DPF3: variants seen among roughly 807,000 people sequenced by gnomAD.
DPF3 encodes zinc finger protein DPF3.
In DPF3, 18 loss-of-function variants were observed where a neutral mutation model predicts 56.8. The ratio of observed to expected loss-of-function variants is 0.32; its 90% CI spans 0.22 to 0.47. The LOEUF (loss-of-function observed/expected upper bound fraction) is 0.47, where lower values mean the gene tolerates loss of function less well. Among genes scored for constraint, DPF3 ranks in the 20% least tolerant of loss-of-function variants. DPF3 has a pLI of 1.00. For missense variants in DPF3, 403 were observed against 488.8 expected (o/e 0.82, Z 1.65); for synonymous variants, 188 against 180.2 (o/e 1.04, Z -0.35).
intron 7 of DPF3, among the ~76,000 whole-genome samples, chr14:72,676,705 G>A (rs774774703): frequency 2.0e-5 from 3 of 152,188 alleles, no homozygotes; most frequent in Non-Finnish European, 2.9e-5. Context: ...TCTCTTGCCT[G>A]CTGCCATGTA....
chr14:72,674,674 GT>G (rs1436823223), intron 7 of DPF3, among the ~76,000 whole-genome samples: 1 of 152,218 alleles, frequency 6.6e-6, no homozygotes, highest in African/African-American at 2.4e-5. Context: ...TACTGGTCAA[GT>G]GAACTACTCT....
At chr14:72,649,526 G>T (rs1416001147) in intron 8 of DPF3, among the ~76,000 whole-genome samples, 3 of 152,116 alleles carry the variant, frequency 2.0e-5, no homozygotes, top group South Asian at 4.1e-4. Context: ...AGAAGAAGGG[G>T]GCTGGAAGGA....
intron 6 of DPF3, among the ~76,000 whole-genome samples, chr14:72,704,443 T>C (rs1888320484): frequency 6.6e-6 from 1 of 152,154 alleles, no homozygotes; most frequent in Non-Finnish European, 1.5e-5. Context: ...TCTGTACACC[T>C]CCCATGCCAG....
chr14:72,856,963 G>T (rs1468439776), intron 1 of DPF3, among the ~76,000 whole-genome samples: 1 of 152,204 alleles, frequency 6.6e-6, no homozygotes, highest in African/African-American at 2.4e-5. Flanking sequence ...AAGAGCTGGA[G>T]TGATTTGTTT....
At position 72,616,413 on chromosome 14, in the gene DPF3, T is replaced by C. The variant is rs1884094111; in HGVS notation, c.*2884A>G. On this transcript the variant is annotated 3_prime_UTR_variant, in exon 11 of 11. Transcript: ENST00000556509. ...TCCACCCCACAGCCCATGCAAGTCATGATTTCCTTGGTCGCAGCCCAGCCC... is the reference window on the plus strand; with the variant it reads ...TCCACCCCACAGCCCATGCAAGTCACGATTTCCTTGGTCGCAGCCCAGCCC... 6.6e-6 allele frequency among the ~76,000 whole-genome samples: 1 copy of C among 152,170 alleles called. No individual in the cohort carries two copies. Among genetic ancestry groups the C allele is most frequent in the African/African-American group, 2.4e-5 (1 of 41,432 alleles).
At chr14:72,844,153 A>G (rs1258326663) in intron 1 of DPF3, among the ~76,000 whole-genome samples, 1 of 152,264 alleles carries the variant, frequency 6.6e-6, no homozygotes, top group Non-Finnish European at 1.5e-5. Flanking sequence ...GGGTACACAC[A>G]TAACAGGTTC....
At chr14:72,733,515 A>G (rs1185142062) in intron 3 of DPF3, among the ~76,000 whole-genome samples, 1 of 152,160 alleles carries the variant, frequency 6.6e-6, no homozygotes, top group Non-Finnish European at 1.5e-5. Context: ...GCAGAGCCCC[A>G]GGACAGGAGC....
rs1317528497 is a variant in DPF3, at chr14:72,614,119, G to T, written c.*5178C>A. Among the ~76,000 whole-genome samples the T allele has an allele frequency of 2.0e-5, 3 of 152,200 alleles. No individual in the cohort carries two copies. The highest frequency in any genetic ancestry group is 7.2e-5 in the African/African-American group (3 of 41,444). On this transcript the variant is annotated 3_prime_UTR_variant, in exon 11 of 11. Coordinates refer to ENST00000556509, the MANE Select transcript of DPF3 (RefSeq NM_001280542.3). ...CTGTCCCATTGTTTCCACACTCAGG[G>T]CTGGTGGCCGTGGCCTCTGGCAGAG...
chr14:72,877,311 G>A (rs916760261), intron 1 of DPF3, among the ~76,000 whole-genome samples: 15 of 152,192 alleles, frequency 9.9e-5, no homozygotes. Context: ...TTTGGAGAGA[G>A]GTGGAGATGC....
chr14:72,874,037 T>A (rs1168970438), intron 1 of DPF3, among the ~76,000 whole-genome samples: 1 of 149,414 alleles, frequency 6.7e-6, no homozygotes, highest in Non-Finnish European at 1.5e-5. Context: ...CAAACCTGCA[T>A]GTTGTGCACA....
chr14:72,812,086 G>A (rs1183715409), intron 1 of DPF3, among the ~76,000 whole-genome samples: 1 of 152,116 alleles, frequency 6.6e-6, no homozygotes, highest in Non-Finnish European at 1.5e-5. Context: ...AGCTCCAGGA[G>A]GCAAGGAGGG....
chr14:72,730,083 AT>A (rs977961109), intron 4 of DPF3, among the ~76,000 whole-genome samples: 4 of 151,518 alleles, frequency 2.6e-5, no homozygotes, highest in Admixed American at 6.6e-5. Flanking sequence ...GTTAAAAAAT[AT>A]TTTTTTTTAA....
chr14:72,737,381 G>C lies in DPF3; in HGVS notation c.302-5447C>G, dbSNP rs574505609. ...GCACTGAAAGCAAAGCTTCCACTGG[G>C]TTGTTGGAGCCACCGAGCTCATTAA... is the stretch of plus-strand genomic sequence containing the variant. On this transcript the variant is annotated intron_variant, in intron 3 of 10. Coordinates refer to ENST00000556509, the MANE Select transcript of DPF3 (RefSeq NM_001280542.3). Among the ~76,000 whole-genome samples, 4 of 152,142 alleles carry C rather than the reference G, an allele frequency of 2.6e-5. No homozygotes were observed. In the South Asian group the frequency reaches 8.3e-4, roughly 32 times the overall value.
intron 1 of DPF3, among the ~76,000 whole-genome samples, chr14:72,825,536 A>G (rs941284220): frequency 9.2e-5 from 14 of 152,246 alleles, no homozygotes; most frequent in Non-Finnish European, 1.3e-4. Flanking sequence ...CAGTTCTAGA[A>G]CATAGAAAAT....
intron 7 of DPF3, among the ~76,000 whole-genome samples, chr14:72,682,471 A>G (rs1243739338): frequency 6.6e-6 from 1 of 152,164 alleles, no homozygotes; most frequent in African/African-American, 2.4e-5. Context: ...AATTCCAGAC[A>G]GCTTGGTGTG....
At chr14:72,748,637 G>A (rs1352165495) in intron 3 of DPF3, among the ~76,000 whole-genome samples, 1 of 152,210 alleles carries the variant, frequency 6.6e-6, no homozygotes. Flanking sequence ...TGGAGGTTTA[G>A]GAGAAAGAAA....
chr14:72,892,116 T>C, intron 1 of DPF3: 1 of 1,517,750 alleles, frequency 6.6e-7, no homozygotes, highest in Non-Finnish European at 8.8e-7. Flanking sequence ...CCCGGGTAAC[T>C]AGGGTACGGC....
At chr14:72,862,743 G>C (rs1307280161) in intron 1 of DPF3, among the ~76,000 whole-genome samples, 1 of 151,994 alleles carries the variant, frequency 6.6e-6, no homozygotes, top group East Asian at 1.9e-4. Flanking sequence ...CTCAAATGTT[G>C]CTTCTCAGGG....
chr14:72,783,794 G>A (rs1404728673), intron 1 of DPF3, among the ~76,000 whole-genome samples: 1 of 152,168 alleles, frequency 6.6e-6, no homozygotes, highest in Admixed American at 6.5e-5. Flanking sequence ...CCCTCAAAGG[G>A]CCTCTCTCTG....
Sources: gnomAD v4.1 joint callset for allele counts (sites outside exome capture counted in the v4.1 genomes callset) on GRCh38, gnomAD v4.1.1 for gene constraint, MANE v1.5 for transcripts, NCBI Gene and HGNC (gene_info 2026-07-23, HGNC 2026-07-21) for gene names.